The following BIN3 variants were observed in gnomAD, a reference collection of about 807,000 sequenced individuals.
The protein encoded by BIN3 is bridging integrator 3.
Under a neutral mutation model 38.2 loss-of-function variants are expected in BIN3, and 41 were observed. The observed-to-expected ratio is 1.07, with a 90% confidence interval of 0.84 to 1.39. BIN3 has a LOEUF of 1.39. Among genes scored for constraint, BIN3 ranks in the 40% most tolerant of loss-of-function variants. The pLI is 0.00. For synonymous variants in BIN3, 145 were observed against 122.6 expected (o/e 1.18, Z -1.21); for missense variants, 361 against 324.3 (o/e 1.11, Z -0.87).
chr8:22,643,416 G>A (rs7341676), intron 2 of BIN3, among the ~76,000 whole-genome samples: 5,686 of 152,194 alleles, frequency 0.037, 387 homozygotes, highest in African/African-American at 0.13. Flanking sequence ...CTGTGGCCTC[G>A]AACTCGTGCG....
intron 4 of BIN3, among the ~76,000 whole-genome samples, chr8:22,633,009 C>G (rs1802255765): frequency 1.3e-5 from 2 of 152,160 alleles, no homozygotes; most frequent in Non-Finnish European, 2.9e-5. Flanking sequence ...GCGCCCAGCC[C>G]AGCTGCATTT....
intron 6 of BIN3, 173 bp from the exon 7 acceptor site, chr8:22,624,536 C>A (rs1008078687): frequency 1.3e-6 from 1 of 759,462 alleles, no homozygotes; most frequent in Non-Finnish European, 2.1e-6. Context: ...AAGCGCCAGA[C>A]CCTGCTCTAG....
In BIN3 at chr8:22,630,359, C is replaced by A. The variant is rs572835721; in HGVS notation, c.297+83G>T. 1.2e-5 allele frequency: 18 copies of A among 1,542,472 alleles called. 1 individual carries two copies. The East Asian group carries it at 4.1e-4, about 35-fold the overall frequency. On this transcript the variant is annotated intron_variant, in intron 5 of 8. Coordinates refer to ENST00000276416, the MANE Select transcript of BIN3 (RefSeq NM_018688.6). The stretch of plus-strand genomic sequence containing the variant: ...GAGCCCTGAGAGCAGAGGGAGCCCA[C>A]TCGGGCCTCCCCGCACAGTCCACCC...
At chr8:22,661,648 G>A (rs534075837) in intron 1 of BIN3, among the ~76,000 whole-genome samples, 7 of 151,720 alleles carry the variant, frequency 4.6e-5, no homozygotes, top group African/African-American at 7.3e-5. Flanking sequence ...GTCAGCCACC[G>A]TGCCCAGCCT....
rs756736252 is a variant in BIN3 at position 22,666,435 on chromosome 8, CGA to C, written c.8+2607_8+2608del. Reference sequence around the variant, plus strand: ...TGGACAATGGGAGAGAAAAAGAGAGCGAGAGAGAGAGAAGCATTTGGCTTGAG... The same window carrying C: ...TGGACAATGGGAGAGAAAAAGAGAGCGAGAGAGAGAAGCATTTGGCTTGAG... On this transcript the variant is annotated intron_variant, in intron 1 of 8. Transcript: ENST00000276416. Among the ~76,000 whole-genome samples the C allele has an allele frequency of 6.0e-5, 9 of 151,248 alleles. No homozygotes were observed. The East Asian group carries it at 9.7e-4, about 16-fold the overall frequency.
intron 1 of BIN3, among the ~76,000 whole-genome samples, chr8:22,652,478 C>T (rs1043163602): frequency 1.3e-5 from 2 of 152,162 alleles, no homozygotes; most frequent in African/African-American, 2.4e-5. Flanking sequence ...GAAGAGCCTG[C>T]GTGTGCATGT....
chr8:22,628,343 G>A (rs1395628501), intron 6 of BIN3, among the ~76,000 whole-genome samples: 1 of 152,208 alleles, frequency 6.6e-6, no homozygotes, highest in Non-Finnish European at 1.5e-5. Flanking sequence ...TTCCGGTGCT[G>A]GGGTCCCTGG....
intron 2 of BIN3, among the ~76,000 whole-genome samples, chr8:22,637,631 G>T (rs779876514): frequency 6.6e-6 from 1 of 152,192 alleles, no homozygotes; most frequent in Admixed American, 6.5e-5. Context: ...CACTTGTTGC[G>T]GAAGATGAAG....
At chr8:22,638,124 T>G (rs935330271) in intron 2 of BIN3, among the ~76,000 whole-genome samples, 1 of 152,228 alleles carries the variant, frequency 6.6e-6, no homozygotes, top group Non-Finnish European at 1.5e-5. Context: ...CCCTAGATCC[T>G]GACTTCTGCT....
chr8:22,651,349 G>A (rs188963045), intron 1 of BIN3, among the ~76,000 whole-genome samples: 31 of 152,260 alleles, frequency 2.0e-4, no homozygotes, highest in Non-Finnish European at 3.4e-4. Flanking sequence ...CTGCTGCCTC[G>A]CTCCAACCTG....
chr8:22,628,550 AGGTGGTGGGCCACCAG>A (rs1188042726), intron 6 of BIN3, among the ~76,000 whole-genome samples: 2 of 152,142 alleles, frequency 1.3e-5, no homozygotes, highest in Non-Finnish European at 2.9e-5. Context: ...CCTTCCTGGC[AGGTGGTGGGCCACCAG>A]GGTGGTGGGA....
intron 1 of BIN3, among the ~76,000 whole-genome samples, chr8:22,663,566 T>C (rs1803313112): frequency 1.3e-5 from 2 of 152,192 alleles, no homozygotes; most frequent in African/African-American, 4.8e-5. Context: ...GCTTTGGCCA[T>C]GCCACTTCCC....
At position 22,642,785 on chromosome 8, in the gene BIN3, C is replaced by T. The variant is rs182706064; in HGVS notation, c.57+1970G>A. ...GCATGTGGCAGGGCCAGGATGGGGA[C>T]CCAGGCTGCCAGCCTCCCAAACCTA... is the stretch of plus-strand genomic sequence containing the variant. On this transcript the variant is annotated intron_variant, in intron 2 of 8. Coordinates refer to ENST00000276416, the MANE Select transcript of BIN3 (RefSeq NM_018688.6). Among the ~76,000 whole-genome samples the T allele has an allele frequency of 1.3e-3, 201 of 152,330 alleles. 1 individual carries two copies. The highest frequency in any genetic ancestry group is 4.6e-3 in the African/African-American group (190 of 41,574).
At chr8:22,628,555 G>A (rs1476188305) in intron 6 of BIN3, among the ~76,000 whole-genome samples, 1 of 152,220 alleles carries the variant, frequency 6.6e-6, no homozygotes, top group East Asian at 1.9e-4. Context: ...CTGGCAGGTG[G>A]TGGGCCACCA....
intron 1 of BIN3, among the ~76,000 whole-genome samples, chr8:22,647,091 C>T (rs1283326799): frequency 1.3e-5 from 2 of 152,168 alleles, no homozygotes; most frequent in Non-Finnish European, 2.9e-5. Flanking sequence ...GTTTCTTAAA[C>T]TATAAAACAA....
chr8:22,664,911 T>C (rs1378361014), intron 1 of BIN3, among the ~76,000 whole-genome samples: 1 of 152,254 alleles, frequency 6.6e-6, no homozygotes, highest in Non-Finnish European at 1.5e-5. Flanking sequence ...ATGGTTTTGT[T>C]TGACCCAGAA....
At chr8:22,625,176 C>T (rs1374433238) in intron 6 of BIN3, 1 of 625,254 alleles carries the variant, frequency 1.6e-6, no homozygotes, top group Non-Finnish European at 2.9e-6. Context: ...CGATGCAACG[C>T]TGCAGGTCCA....
intron 1 of BIN3, among the ~76,000 whole-genome samples, chr8:22,658,675 G>A (rs1803135927): frequency 6.6e-6 from 1 of 152,150 alleles, no homozygotes; most frequent in African/African-American, 2.4e-5. Flanking sequence ...ACTAAACATG[G>A]ATAAGCCTAG....
At chr8:22,656,906 A>G (rs1490093225) in intron 1 of BIN3, among the ~76,000 whole-genome samples, 1 of 152,210 alleles carries the variant, frequency 6.6e-6, no homozygotes, top group Non-Finnish European at 1.5e-5. Context: ...GGTACAGGCT[A>G]ATTAACTCTG....
Sources: gnomAD v4.1 joint callset for allele counts (sites outside exome capture counted in the v4.1 genomes callset) on GRCh38, gnomAD v4.1.1 for gene constraint, MANE v1.5 for transcripts, NCBI Gene and HGNC (gene_info 2026-07-23, HGNC 2026-07-21) for gene names.